Variants in ZC3HC1 observed in about 807,000 individuals in gnomAD.
ZC3HC1 encodes zinc finger C3HC-type containing 1, also known as zinc finger C3HC-type protein 1.
In ZC3HC1, 38 loss-of-function variants were observed where a neutral mutation model predicts 61.9. The observed-to-expected ratio is 0.61, with a 90% CI of 0.47 to 0.81. The LOEUF is 0.81. ZC3HC1 is among the 30% of genes least tolerant of loss of function. The probability of loss-of-function intolerance (pLI) is 0.00; values close to 1 mark genes in which losing one functional copy is unlikely to be tolerated. For missense variants in ZC3HC1, 554 were observed against 622.7 expected (o/e 0.89, Z 1.17); for synonymous variants, 213 against 229.9 (o/e 0.93, Z 0.67).
At chr7:130,051,105 A>C in intron 1 of ZC3HC1, 116 bp downstream of exon 1, 5 of 1,318,296 alleles carry the variant, frequency 3.8e-6, no homozygotes, top group Non-Finnish European at 3.1e-6. Context: ...GATTCTAAGA[A>C]GCCATCCCCA....
At chr7:130,025,320 A>C (rs1444985605) in intron 6 of ZC3HC1, among the ~76,000 whole-genome samples, 1 of 150,728 alleles carries the variant, frequency 6.6e-6, no homozygotes, top group Non-Finnish European at 1.5e-5. Flanking sequence ...ACCAATCTTG[A>C]TGTATTTTAA....
In ZC3HC1 at chr7:130,024,275, TG is replaced by T; in HGVS notation, c.1007del (p.Pro336GlnfsTer43). ...GCTAAGTGAATACCTGCTCTGAGCC[TG>T]GGGAGAAAGTGGCATCCTGGCTCCG... ...MTRSQDATFS[P>X]GSEQAEKSPG... On this transcript the variant is annotated frameshift_variant, in exon 7 of 10. Coordinates refer to ENST00000358303, the MANE Select transcript of ZC3HC1 (RefSeq NM_016478.5). LOFTEE classifies it high-confidence loss of function. The T allele has an allele frequency of 6.2e-7, 1 of 1,610,350 alleles. No individual in the cohort carries two copies. Among genetic ancestry groups the T allele is most frequent in the Non-Finnish European group, 8.5e-7 (1 of 1,177,578 alleles).
chr7:130,045,978 G>C (rs1794849856), intron 2 of ZC3HC1, among the ~76,000 whole-genome samples: 1 of 151,778 alleles, frequency 6.6e-6, no homozygotes. Context: ...GCCATAAAAG[G>C]AACGAGATCA....
At position 130,022,370 on chromosome 7, in the gene ZC3HC1, G is replaced by A; in HGVS notation, c.1389C>T (p.Thr463=). 1 of 1,614,086 alleles carries A rather than the reference G, an allele frequency of 6.2e-7. No individual in the cohort carries two copies. The highest frequency in any genetic ancestry group is 8.5e-7 in the Non-Finnish European group (1 of 1,179,996). The part of the protein sequence containing the change: ...PAEPGWKAVL[T]ILLAHKQSSQ... ...TAGACTGTTTGTGCGCCAAGAGGAT[G>A]GTCAGCACTGCTTTCCAGCCTGGCT... Residue 463 remains threonine (T), a synonymous_variant, in exon 9 of 10, where the codon ACC becomes ACT. Coordinates refer to ENST00000358303, the MANE Select transcript of ZC3HC1 (RefSeq NM_016478.5).
At chr7:130,050,157 A>C (rs1053768993) in intron 1 of ZC3HC1, among the ~76,000 whole-genome samples, 4 of 151,966 alleles carry the variant, frequency 2.6e-5, no homozygotes, top group Non-Finnish European at 5.9e-5. Flanking sequence ...GGCTCACTGC[A>C]ACCTCCGCCT....
chr7:130,047,191 G>T (rs1341870179), intron 2 of ZC3HC1, among the ~76,000 whole-genome samples: 1 of 152,150 alleles, frequency 6.6e-6, no homozygotes, highest in Non-Finnish European at 1.5e-5. Flanking sequence ...TCAAACTCTT[G>T]ACCTCGTAAT....
chr7:130,028,756 C>T, intron 5 of ZC3HC1, 146 bp downstream of exon 5: 1 of 1,083,604 alleles, frequency 9.2e-7, no homozygotes, highest in Non-Finnish European at 1.3e-6. Context: ...TGTCACCTTC[C>T]TGGTGGAGAC....
chr7:130,021,064 AT>A (rs746887020), intron 9 of ZC3HC1, among the ~76,000 whole-genome samples: 450 of 143,954 alleles, frequency 3.1e-3, no homozygotes, highest in Middle Eastern at 3.6e-3. Flanking sequence ...CACATGGCAA[AT>A]TTTTTTTTTT....
rs1322749545 is a variant in ZC3HC1, at chr7:130,026,374, A to G, written c.622-62T>C. The G allele has an allele frequency of 5.1e-6, 8 of 1,554,216 alleles. No individual in the cohort carries two copies. The Admixed American group carries it at 5.5e-5, about 11-fold the overall frequency. On this transcript the variant is annotated intron_variant, in intron 5 of 9. Transcript: ENST00000358303. The stretch of plus-strand genomic sequence containing the variant: ...ACCATAAAAAGAAAAATTACACATT[A>G]TAACATACCTAGATGGTACAAGCCG...
In ZC3HC1 at chr7:130,051,355, G is replaced by A. The variant is rs766456336; in HGVS notation, c.12C>T (p.Pro4=). MAA[P]CEGQAFAVGV... ...CTACGGCAAACGCTTGTCCCTCACAGGGCGCCGCCATCTTGGTCCGCTGCC... is the reference window on the plus strand; with the variant it reads ...CTACGGCAAACGCTTGTCCCTCACAAGGCGCCGCCATCTTGGTCCGCTGCC... Residue 4 remains proline (P), a synonymous_variant, in exon 1 of 10, where the codon CCC becomes CCT. Transcript: ENST00000358303. 3 of 1,612,518 alleles carry A rather than the reference G, an allele frequency of 1.9e-6. No homozygotes were observed. The highest frequency in any genetic ancestry group is 1.7e-6 in the Non-Finnish European group (2 of 1,179,238).
At chr7:130,030,683 T>C (rs1445247221) in intron 4 of ZC3HC1, among the ~76,000 whole-genome samples, 1 of 151,666 alleles carries the variant, frequency 6.6e-6, no homozygotes, top group Non-Finnish European at 1.5e-5. Context: ...TCTTTTTTTT[T>C]TTTTTTGAGA....
intron 5 of ZC3HC1, 81 bp from the exon 6 acceptor site, chr7:130,026,393 C>T: frequency 6.9e-7 from 1 of 1,439,048 alleles, no homozygotes; most frequent in South Asian, 1.3e-5. Context: ...CTAGATGGTA[C>T]AAGCCGAAAA....
intron 6 of ZC3HC1, among the ~76,000 whole-genome samples, chr7:130,025,728 C>T (rs193108351): frequency 2.6e-5 from 4 of 151,400 alleles, no homozygotes; most frequent in Non-Finnish European, 5.9e-5. Flanking sequence ...ATTAGCTGGG[C>T]GTGTGGCAGG....
Position 130,023,332 on chromosome 7 carries a change from A to C in ZC3HC1, c.1233+179T>G, listed in dbSNP as rs905989393. On this transcript the variant is annotated intron_variant, in intron 8 of 9. Transcript: ENST00000358303. The surrounding 1 kb of genome is among the most constrained non-coding windows in gnomAD (Gnocchi z 4.2). ...CCAGAATCCACTCCAAAGGAACAAA[A>C]AGGAGCAAAAAACATGACTGACATT... Among the ~76,000 whole-genome samples, 1 of 152,194 alleles carries C rather than the reference A, an allele frequency of 6.6e-6. No homozygotes were observed. The highest frequency in any genetic ancestry group is 2.4e-5 in the African/African-American group (1 of 41,450).
intron 6 of ZC3HC1, 112 bp downstream of exon 6, chr7:130,026,045 TC>T: frequency 7.6e-7 from 1 of 1,315,176 alleles, no homozygotes; most frequent in Non-Finnish European, 1.0e-6. Context: ...TTTCTTTGTC[TC>T]TTTTTCTCAC....
rs1305653593 is a variant in ZC3HC1, at chr7:130,028,944, G to A, written c.579C>T (p.Asp193=). ...CCGGCCTTAGGGAAGGAAGCTGGAG[G>A]TCCAAGTGACAAAGGCTTTGAAAAC... ...LDRFQSLCHL[D]LQLPSLRPED... is the part of the protein sequence containing the mutation. Residue 193 remains aspartate (D), a synonymous_variant, in exon 5 of 10, where the codon GAC becomes GAT. Transcript: ENST00000358303. The A allele has an allele frequency of 6.2e-7, 1 of 1,613,804 alleles. No individual in the cohort carries two copies. The highest frequency in any genetic ancestry group is 1.1e-5 in the South Asian group (1 of 91,064).
rs750360132 is a variant in ZC3HC1 at position 130,022,407 on chromosome 7, C to A, written c.1352G>T (p.Ser451Ile). ...TTTCCAGCCTGGCTCTGCTGGGGCG[C>A]TGGCATCTGGTTCAGTTCCACCATT... The part of the protein sequence containing the change: ...RENGGTEPDA[S>I]APAEPGWKAV... Residue 451 changes from serine (S) to isoleucine (I), a missense_variant, in exon 9 of 10, where the codon AGC (serine) becomes ATC (isoleucine). Ser to Ile is a moderately radical substitution (Grantham distance 142, BLOSUM62 -2). Coordinates refer to ENST00000358303, the MANE Select transcript of ZC3HC1 (RefSeq NM_016478.5). 7 of 1,613,026 alleles carry A rather than the reference C, an allele frequency of 4.3e-6. No homozygotes were observed.
Position 130,029,030 on chromosome 7 carries a change from C to G in ZC3HC1, c.494-1G>C. 1 of 1,611,444 alleles carries G rather than the reference C, an allele frequency of 6.2e-7. No individual in the cohort carries two copies. The highest frequency in any genetic ancestry group is 8.5e-7 in the Non-Finnish European group (1 of 1,178,498). ...TCCAGGGGCAACATCCCAAATCGGT[C>G]TGTGGAAAAAGTAAATTGGAAGATT... On this transcript the variant is annotated splice_acceptor_variant, in intron 4 of 9. Transcript: ENST00000358303. LOFTEE classifies it high-confidence loss of function.
chr7:130,035,219 G>A (rs1352938230), intron 4 of ZC3HC1, among the ~76,000 whole-genome samples: 3 of 151,850 alleles, frequency 2.0e-5, no homozygotes, highest in East Asian at 1.9e-4. Flanking sequence ...GTGAAACCCC[G>A]TCTCTACTAA....
Sources: allele counts gnomAD v4.1 joint callset (sites outside exome capture counted in the v4.1 genomes callset), GRCh38; gene constraint gnomAD v4.1.1; non-coding constraint Gnocchi (gnomAD v3.1); transcripts MANE v1.5; gene names NCBI Gene and HGNC (gene_info 2026-07-23, HGNC 2026-07-21).